LOC128125817: variants seen among roughly 807,000 people sequenced by gnomAD.
chr1:41,615,647 C>T, the LOC128125817 span, among the ~76,000 whole-genome samples: 1 of 152,104 alleles, frequency 6.6e-6, no homozygotes. Context: ...GGCAGAGAGG[C>T]ACAGGGCCTC....
the LOC128125817 span, among the ~76,000 whole-genome samples, chr1:41,612,571 C>T: frequency 2.6e-5 from 4 of 152,222 alleles, no homozygotes; most frequent in Non-Finnish European, 4.4e-5. Context: ...TGGAAAGTGG[C>T]TGGGCTGGAT....
At chr1:41,593,912 G>C in the LOC128125817 span, among the ~76,000 whole-genome samples, 3 of 152,148 alleles carry the variant, frequency 2.0e-5, no homozygotes, top group Non-Finnish European at 4.4e-5. Context: ...CCAACTTCTA[G>C]AGGGTACCTG....
chr1:41,615,689 G>C, the LOC128125817 span, among the ~76,000 whole-genome samples: 20 of 152,160 alleles, frequency 1.3e-4, no homozygotes, highest in Non-Finnish European at 2.9e-4. Context: ...GTGGGGGCAG[G>C]GTAAACCCAG....
chr1:41,612,978 G>A, the LOC128125817 span, among the ~76,000 whole-genome samples: 1 of 152,360 alleles, frequency 6.6e-6, no homozygotes, highest in South Asian at 2.1e-4. Context: ...ACCTGGCCCT[G>A]GCAGGGTGAA....
At chr1:41,609,116 G>A in the LOC128125817 span, among the ~76,000 whole-genome samples, 3 of 152,096 alleles carry the variant, frequency 2.0e-5, no homozygotes, top group African/African-American at 7.2e-5. Flanking sequence ...GGAAGAGGTG[G>A]AGGTGGGCAC....
the LOC128125817 span, among the ~76,000 whole-genome samples, chr1:41,597,976 T>G: frequency 1.3e-3 from 204 of 152,290 alleles, 1 homozygote; most frequent in African/African-American, 4.8e-3. Flanking sequence ...ACCTATCTCA[T>G]TGTTTATTTA....
the LOC128125817 span, among the ~76,000 whole-genome samples, chr1:41,605,371 A>ATGCG: frequency 7.9e-6 from 1 of 126,428 alleles, no homozygotes; most frequent in East Asian, 2.0e-4. Context: ...ACACACGCAC[A>ATGCG]CGCGCACACA....
At chr1:41,619,855 G>A in the LOC128125817 span, among the ~76,000 whole-genome samples, 1 of 152,182 alleles carries the variant, frequency 6.6e-6, no homozygotes, top group East Asian at 1.9e-4. Flanking sequence ...AATTCGCAGA[G>A]GTAGCCCCAG....
chr1:41,611,851 G>C, the LOC128125817 span, among the ~76,000 whole-genome samples: 1 of 152,182 alleles, frequency 6.6e-6, no homozygotes, highest in East Asian at 1.9e-4. Flanking sequence ...TGACATTCTG[G>C]ATGCTTCTCC....
chr1:41,599,527 C>T, the LOC128125817 span, among the ~76,000 whole-genome samples: 4 of 152,018 alleles, frequency 2.6e-5, no homozygotes, highest in African/African-American at 9.7e-5. Context: ...AAAACAAATT[C>T]CTAAAAATGA....
At chr1:41,600,391 C>T in the LOC128125817 span, among the ~76,000 whole-genome samples, 6 of 152,096 alleles carry the variant, frequency 3.9e-5, no homozygotes, top group South Asian at 2.1e-4. Flanking sequence ...TTCTTTAAGA[C>T]GGAATAATAT....
chr1:41,603,989 C>A, the LOC128125817 span, among the ~76,000 whole-genome samples: 1 of 152,358 alleles, frequency 6.6e-6, no homozygotes, highest in Non-Finnish European at 1.5e-5. Flanking sequence ...AAATCTACAA[C>A]ACATTCACCA....
chr1:41,610,736 G>A, the LOC128125817 span, among the ~76,000 whole-genome samples: 2 of 152,106 alleles, frequency 1.3e-5, no homozygotes, highest in East Asian at 1.9e-4. Context: ...ACTGAATTCC[G>A]AGCGCAATTT....
chr1:41,628,150 G>A, the LOC128125817 span, among the ~76,000 whole-genome samples: 89,098 of 152,038 alleles, frequency 0.59, 27,518 homozygotes, highest in African/African-American at 0.79. Context: ...TCACTATTTC[G>A]GGAGCTGGGG....
At chr1:41,621,092 C>T in the LOC128125817 span, among the ~76,000 whole-genome samples, 3 of 152,208 alleles carry the variant, frequency 2.0e-5, no homozygotes, top group Non-Finnish European at 2.9e-5. Context: ...TATTCATTCC[C>T]GCCTCACCTG....
At chr1:41,616,603 T>G in the LOC128125817 span, among the ~76,000 whole-genome samples, 267 of 117,426 alleles carry the variant, frequency 2.3e-3, no homozygotes, top group Middle Eastern at 4.9e-3. Context: ...GTATAGGAAG[T>G]GGGGAAGATG....
the LOC128125817 span, among the ~76,000 whole-genome samples, chr1:41,587,621 T>C: frequency 2.0e-5 from 3 of 152,216 alleles, no homozygotes; most frequent in African/African-American, 4.8e-5. Context: ...TTTTGATCTC[T>C]TCTATGGAGA....
At chr1:41,607,804 C>T in the LOC128125817 span, among the ~76,000 whole-genome samples, 1 of 152,210 alleles carries the variant, frequency 6.6e-6, no homozygotes, top group East Asian at 1.9e-4. Flanking sequence ...GTCTTATGTG[C>T]AATCTGAGTT....
At chr1:41,622,004 T>C in the LOC128125817 span, among the ~76,000 whole-genome samples, 1 of 152,252 alleles carries the variant, frequency 6.6e-6, no homozygotes, top group Non-Finnish European at 1.5e-5. Flanking sequence ...CCTGCCTGGA[T>C]TGCTGGCTGG....
Sources: allele counts gnomAD v4.1 joint callset (sites outside exome capture counted in the v4.1 genomes callset), GRCh38; gene constraint gnomAD v4.1.1; transcripts MANE v1.5.